PLCB1: variants seen among roughly 807,000 people sequenced by gnomAD.
The protein encoded by PLCB1 is 1-phosphatidylinositol 4,5-bisphosphate phosphodiesterase beta-1.
A neutral mutation model predicts 161.8 loss-of-function variants in PLCB1; 46 were observed. The observed-to-expected ratio is 0.28, with a 90% confidence interval of 0.22 to 0.36. PLCB1 has a LOEUF of 0.36. PLCB1 is among the 10% of genes least tolerant of loss of function. The pLI, the probability that PLCB1 is intolerant of heterozygous loss-of-function variation, is 1.00. For synonymous variants in PLCB1, 517 were observed against 503.7 expected (o/e 1.03, Z -0.35); for missense variants, 1,016 against 1,472.5 (o/e 0.69, Z 5.07).
intron 2 of PLCB1, among the ~76,000 whole-genome samples, chr20:8,260,089 T>G: frequency 6.6e-6 from 1 of 150,980 alleles, no homozygotes; most frequent in African/African-American, 2.4e-5. Flanking sequence ...TTCTTGTTTC[T>G]TTTTTTTTCT....
intron 3 of PLCB1, among the ~76,000 whole-genome samples, chr20:8,539,362 T>A (rs1331876667): frequency 6.6e-6 from 1 of 152,168 alleles, no homozygotes; most frequent in Non-Finnish European, 1.5e-5. Flanking sequence ...TCAAACAAAC[T>A]TGTACAATAT....
chr20:8,425,374 A>G (rs954257023), intron 3 of PLCB1, among the ~76,000 whole-genome samples: 1 of 152,146 alleles, frequency 6.6e-6, no homozygotes, highest in African/African-American at 2.4e-5. Flanking sequence ...GGCATGAAAC[A>G]GTCTTAGGTT....
intron 23 of PLCB1, among the ~76,000 whole-genome samples, chr20:8,746,439 G>C (rs968622379): frequency 5.9e-5 from 9 of 152,078 alleles, no homozygotes; most frequent in African/African-American, 2.2e-4. Context: ...TTTAATGTTA[G>C]AGAAGTAAAG....
chr20:8,315,238 T>G (rs1276101846), intron 2 of PLCB1, among the ~76,000 whole-genome samples: 1 of 152,164 alleles, frequency 6.6e-6, no homozygotes, highest in African/African-American at 2.4e-5. Context: ...GTAACATATA[T>G]GTAGGGACAG....
chr20:8,705,335 A>G (rs1409249671), intron 11 of PLCB1, among the ~76,000 whole-genome samples: 1 of 152,220 alleles, frequency 6.6e-6, no homozygotes, highest in Non-Finnish European at 1.5e-5. Context: ...ACAACTAGAT[A>G]AATTCTGTTT....
At chr20:8,551,747 C>G (rs1254766830) in intron 3 of PLCB1, among the ~76,000 whole-genome samples, 2 of 152,132 alleles carry the variant, frequency 1.3e-5, no homozygotes, top group African/African-American at 4.8e-5. Context: ...CAGTGCAGCC[C>G]TTATTGGCTC....
intron 2 of PLCB1, among the ~76,000 whole-genome samples, chr20:8,352,271 C>A (rs1986204614): frequency 6.6e-6 from 1 of 151,922 alleles, no homozygotes; most frequent in African/African-American, 2.4e-5. Context: ...ATATAATATT[C>A]TAAAAAAGGC....
At chr20:8,651,765 G>T (rs891317320) in intron 7 of PLCB1, 10 of 405,656 alleles carry the variant, frequency 2.5e-5, no homozygotes, top group African/African-American at 2.0e-4. Context: ...AAAGACTGGA[G>T]AACTACTATT....
intron 31 of PLCB1, among the ~76,000 whole-genome samples, chr20:8,878,352 G>A (rs937776617): frequency 5.3e-5 from 8 of 152,180 alleles, no homozygotes; most frequent in Non-Finnish European, 8.8e-5. Context: ...GTAAATGGAC[G>A]CTGTCAAACA....
At chr20:8,308,604 G>A (rs1022595344) in intron 2 of PLCB1, among the ~76,000 whole-genome samples, 6 of 136,558 alleles carry the variant, frequency 4.4e-5, no homozygotes, top group South Asian at 2.4e-4. Context: ...GCAACAGAGC[G>A]AGATTCCGTA....
chr20:8,418,044 G>A (rs1393349693), intron 3 of PLCB1, among the ~76,000 whole-genome samples: 2 of 152,176 alleles, frequency 1.3e-5, no homozygotes, highest in African/African-American at 4.8e-5. Context: ...CAGTTCCCTG[G>A]TGAAGATCAC....
intron 2 of PLCB1, among the ~76,000 whole-genome samples, chr20:8,309,662 C>T (rs145541278): frequency 9.7e-4 from 148 of 152,278 alleles, no homozygotes; most frequent in African/African-American, 3.2e-3. Context: ...GAGAAGCAAT[C>T]GCGTCCATAA....
intron 26 of PLCB1, among the ~76,000 whole-genome samples, chr20:8,773,701 C>T (rs4816082): frequency 0.32 from 48,023 of 151,922 alleles, 7,654 homozygotes; most frequent in Middle Eastern, 0.49. Flanking sequence ...AGGCCGGGCA[C>T]GGTGGCTCAC....
At chr20:8,763,025 T>C (rs1237249668) in intron 25 of PLCB1, among the ~76,000 whole-genome samples, 4 of 152,296 alleles carry the variant, frequency 2.6e-5, no homozygotes, top group Non-Finnish European at 2.9e-5. Flanking sequence ...GATAATTCAC[T>C]GGAGTTAAGA....
intron 2 of PLCB1, among the ~76,000 whole-genome samples, chr20:8,308,000 T>G (rs948770665): frequency 2.6e-5 from 4 of 152,032 alleles, no homozygotes; most frequent in Non-Finnish European, 4.4e-5. Flanking sequence ...TAGAGCTATT[T>G]GTTGTCTGCA....
intron 3 of PLCB1, among the ~76,000 whole-genome samples, chr20:8,607,995 T>A (rs770377032): frequency 2.0e-5 from 3 of 152,108 alleles, no homozygotes; most frequent in Admixed American, 6.6e-5. Context: ...TTGTACACCA[T>A]ATATATATAC....
chr20:8,652,826 C>G (rs1345531688), intron 7 of PLCB1: 1 of 152,044 alleles, frequency 6.6e-6, no homozygotes, highest in African/African-American at 2.4e-5. Context: ...TTAGAAGATG[C>G]TACTCTTTAG....
At chr20:8,820,065 T>C (rs2146262701) in intron 31 of PLCB1, among the ~76,000 whole-genome samples, 1 of 148,924 alleles carries the variant, frequency 6.7e-6, no homozygotes, top group African/African-American at 2.4e-5. Context: ...TAAATACTTG[T>C]TACACTGTAT....
chr20:8,202,470 T>C (rs2052103174), intron 2 of PLCB1, among the ~76,000 whole-genome samples: 1 of 152,268 alleles, frequency 6.6e-6, no homozygotes, highest in African/African-American at 2.4e-5. Flanking sequence ...ATTTTATGTG[T>C]ACACACATAT....
Sources: gnomAD v4.1 joint callset for allele counts (sites outside exome capture counted in the v4.1 genomes callset) on GRCh38, gnomAD v4.1.1 for gene constraint, MANE v1.5 for transcripts, NCBI Gene and HGNC (gene_info 2026-07-23, HGNC 2026-07-21) for gene names.